ZNF654: variants seen among roughly 807,000 people sequenced by gnomAD.
The protein encoded by ZNF654 is zinc finger protein 654, also known as melanoma-associated antigen.
Under a neutral mutation model 95.3 loss-of-function variants are expected in ZNF654, and 19 were observed. The observed-to-expected ratio is 0.20, with a 90% CI of 0.14 to 0.29. ZNF654 has a LOEUF of 0.29. Among genes scored for constraint, ZNF654 ranks in the 10% least tolerant of loss-of-function variants. ZNF654 has a pLI of 1.00. For synonymous variants in ZNF654, 413 were observed against 457.9 expected (o/e 0.90, Z 1.25); for missense variants, 1,046 against 1,341.0 (o/e 0.78, Z 3.44).
chr3:88,125,373 C>T (rs1268448104), intron 3 of ZNF654, among the ~76,000 whole-genome samples: 2 of 152,028 alleles, frequency 1.3e-5, no homozygotes, highest in African/African-American at 2.4e-5. Flanking sequence ...AAACTTGTTA[C>T]AAATTTCATG....
intron 2 of ZNF654, among the ~76,000 whole-genome samples, chr3:88,108,987 G>A (rs934533177): frequency 6.6e-6 from 1 of 152,148 alleles, no homozygotes; most frequent in Non-Finnish European, 1.5e-5. Context: ...AAGGTGCTTA[G>A]TTAAGATGGA....
chr3:88,138,895 G>T lies in ZNF654; in HGVS notation c.1226G>T (p.Arg409Leu). ...CTGGAGCGCTCCTTAGAAGCGTATC[G>T]TACTGTTGAAGAGCTTTACAAACGT... Reference protein sequence around the residue: ...FFLERSLEAYRTVEELYKRPD... With the variant: ...FFLERSLEAYLTVEELYKRPD... Residue 409 changes from arginine (R) to leucine (L), a missense_variant, in exon 8 of 9, where the codon CGT becomes CTT. Coordinates refer to ENST00000636215, the MANE Select transcript of ZNF654 (RefSeq NM_001350134.2). The T allele has an allele frequency of 8.1e-7, 1 of 1,233,172 alleles. No homozygotes were observed. The highest frequency in any genetic ancestry group is 1.0e-6 in the Non-Finnish European group (1 of 988,840). 76.4% of individuals were successfully genotyped at this position (1,233,172 alleles called of 1,614,324 possible).
chr3:88,065,859 C>T (rs1374660354), intron 1 of ZNF654, among the ~76,000 whole-genome samples: 1 of 152,118 alleles, frequency 6.6e-6, no homozygotes, highest in Non-Finnish European at 1.5e-5. Context: ...CCCCCACCCC[C>T]AGTAGCTGGG....
intron 6 of ZNF654, among the ~76,000 whole-genome samples, chr3:88,133,209 C>T (rs1159363135): frequency 3.3e-5 from 5 of 152,072 alleles, no homozygotes; most frequent in Non-Finnish European, 5.9e-5. Flanking sequence ...GAGACATGGC[C>T]ACTGGTTTTC....
intron 1 of ZNF654, among the ~76,000 whole-genome samples, chr3:88,084,156 A>G (rs1708225037): frequency 6.6e-6 from 1 of 152,172 alleles, no homozygotes; most frequent in African/African-American, 2.4e-5. Context: ...GTTTGGCCTC[A>G]GCTAGACTAG....
At chr3:88,135,801 C>T (rs560299281) in intron 7 of ZNF654, among the ~76,000 whole-genome samples, 98 of 152,108 alleles carry the variant, frequency 6.4e-4, no homozygotes, top group Non-Finnish European at 1.1e-3. Context: ...GTTTTTCCCC[C>T]AAAATATCAA....
chr3:88,128,931 A>G lies in ZNF654; in HGVS notation c.673A>G (p.Ile225Val). The change falls in exon 5 of 9, where the codon ATC (isoleucine) becomes GTC (valine). Residue 225 changes from isoleucine to valine, a missense_variant. Transcript: ENST00000636215. ...TAAATCTTGTATAAATCACCCAGAA[A>G]TCAGTAAAGACTTATACTTCCATCA... ...LIKSCINHPE[I>V]SKDLYFHQAL... The G allele has an allele frequency of 6.5e-7, 1 of 1,535,580 alleles. No homozygotes were observed. The highest frequency in any genetic ancestry group is 8.7e-7 in the Non-Finnish European group (1 of 1,146,546).
chr3:88,070,586 T>C (rs1193770653), intron 1 of ZNF654, among the ~76,000 whole-genome samples: 1 of 70,308 alleles, frequency 1.4e-5, no homozygotes, highest in Non-Finnish European at 3.5e-5. Context: ...TTTTTTTTTT[T>C]TTTGCAGATC....
chr3:88,134,350 T>C (rs1283027190), intron 6 of ZNF654, among the ~76,000 whole-genome samples: 4 of 152,106 alleles, frequency 2.6e-5, no homozygotes, highest in Admixed American at 2.0e-4. Flanking sequence ...TTAATACTTT[T>C]AGATTATGAT....
At chr3:88,086,190 G>T in intron 1 of ZNF654, 67 bp from the exon 2 acceptor site, 1 of 1,428,652 alleles carries the variant, frequency 7.0e-7, no homozygotes, top group Non-Finnish European at 9.3e-7. Context: ...TAACTTTTAT[G>T]CAAATTTTTA....
intron 6 of ZNF654, among the ~76,000 whole-genome samples, chr3:88,130,138 G>C (rs888953343): frequency 6.6e-6 from 1 of 152,088 alleles, no homozygotes; most frequent in Non-Finnish European, 1.5e-5. Flanking sequence ...GAAGCAGCAG[G>C]TTTACCTAGC....
intron 2 of ZNF654, among the ~76,000 whole-genome samples, chr3:88,092,990 T>A (rs1703838603): frequency 3.3e-5 from 5 of 152,330 alleles, no homozygotes; most frequent in Admixed American, 3.3e-4. Flanking sequence ...TAAAAAGTCA[T>A]GTAGTGAATT....
At chr3:88,112,318 T>A (rs566696673) in intron 2 of ZNF654, among the ~76,000 whole-genome samples, 3 of 151,974 alleles carry the variant, frequency 2.0e-5, no homozygotes, top group African/African-American at 7.2e-5. Flanking sequence ...TAGTTACACT[T>A]GAGGATCTGC....
intron 1 of ZNF654, among the ~76,000 whole-genome samples, chr3:88,067,151 T>G (rs1406046168): frequency 6.6e-6 from 1 of 152,172 alleles, no homozygotes; most frequent in African/African-American, 2.4e-5. Flanking sequence ...GGGGATACAG[T>G]GGTAAGCAAA....
intron 2 of ZNF654, among the ~76,000 whole-genome samples, chr3:88,099,420 C>T (rs1263984813): frequency 6.6e-6 from 1 of 152,174 alleles, no homozygotes; most frequent in Non-Finnish European, 1.5e-5. Context: ...TTTATAGATT[C>T]AATGCCATTC....
At chr3:88,084,800 C>T (rs772927540) in intron 1 of ZNF654, among the ~76,000 whole-genome samples, 33 of 152,152 alleles carry the variant, frequency 2.2e-4, no homozygotes, top group Non-Finnish European at 4.1e-4. Flanking sequence ...TATGATGATG[C>T]CCCTTGCTAC....
chr3:88,065,049 C>A (rs1253626016), intron 1 of ZNF654, among the ~76,000 whole-genome samples: 1 of 152,132 alleles, frequency 6.6e-6, no homozygotes, highest in Admixed American at 6.5e-5. Flanking sequence ...TCGATAATTG[C>A]ATTGATAAAT....
chr3:88,075,214 C>T (rs775224974), intron 1 of ZNF654, among the ~76,000 whole-genome samples: 1 of 152,228 alleles, frequency 6.6e-6, no homozygotes, highest in Non-Finnish European at 1.5e-5. Context: ...AGTGGCACCA[C>T]TTCTACTAGC....
At chr3:88,092,569 T>C (rs1703808060) in intron 2 of ZNF654, among the ~76,000 whole-genome samples, 1 of 152,178 alleles carries the variant, frequency 6.6e-6, no homozygotes, top group South Asian at 2.1e-4. Context: ...AAACAGAATG[T>C]TTAAGGCACC....
Sources: allele counts gnomAD v4.1 joint callset (sites outside exome capture counted in the v4.1 genomes callset), GRCh38; gene constraint gnomAD v4.1.1; transcripts MANE v1.5; gene names NCBI Gene and HGNC (gene_info 2026-07-23, HGNC 2026-07-21).